GATA4: variants seen among roughly 807,000 people sequenced by gnomAD.
GATA4 encodes transcription factor GATA-4.
Under a neutral mutation model 37.9 loss-of-function variants are expected in GATA4, and 7 were observed. The ratio of observed to expected loss-of-function variants is 0.18; its 90% CI spans 0.11 to 0.35. The LOEUF is 0.35. GATA4 is among the 10% of genes least tolerant of loss of function. GATA4 has a pLI of 1.00. For missense variants in GATA4, 647 were observed against 653.0 expected (o/e 0.99, Z 0.10); for synonymous variants, 372 against 292.6 (o/e 1.27, Z -2.77).
At chr8:11,682,058 A>T (rs1418037074) in intron 1 of GATA4, among the ~76,000 whole-genome samples, 1 of 152,236 alleles carries the variant, frequency 6.6e-6, no homozygotes, top group Non-Finnish European at 1.5e-5. Context: ...ATTTCTGGAT[A>T]TTAAACTGCA....
At chr8:11,732,882 C>T (rs971114388) in intron 2 of GATA4, among the ~76,000 whole-genome samples, 1 of 152,172 alleles carries the variant, frequency 6.6e-6, no homozygotes, top group Admixed American at 6.5e-5. Flanking sequence ...TAAATCCAGA[C>T]CACATGGAGG....
At chr8:11,716,201 A>C (rs1445175673) in intron 2 of GATA4, among the ~76,000 whole-genome samples, 1 of 152,176 alleles carries the variant, frequency 6.6e-6, no homozygotes, top group East Asian at 1.9e-4. Flanking sequence ...AAACCTTTTG[A>C]ATTTGGAGAA....
At chr8:11,680,712 G>T (rs754497591) in intron 1 of GATA4, 1 of 985,158 alleles carries the variant, frequency 1.0e-6, no homozygotes, top group Non-Finnish European at 1.2e-6. Flanking sequence ...TCCTCCAGCC[G>T]CTGCGCACGG....
upstream of GATA4, chr8:11,691,984 C>T (rs1799328429): frequency 1.0e-6 from 1 of 984,210 alleles, no homozygotes; most frequent in Admixed American, 6.1e-5. Flanking sequence ...TGACTTTCTC[C>T]TTTAATTCTC....
chr8:11,687,009 A>G (rs995632634), intron 1 of GATA4, among the ~76,000 whole-genome samples: 1 of 152,094 alleles, frequency 6.6e-6, no homozygotes, highest in African/African-American at 2.4e-5. Flanking sequence ...AAAAAAAAAA[A>G]AAAATCCTCA....
intron 2 of GATA4, among the ~76,000 whole-genome samples, chr8:11,725,043 C>T (rs1056445786): frequency 3.3e-5 from 5 of 152,320 alleles, no homozygotes; most frequent in South Asian, 2.1e-4. Flanking sequence ...GTGGCCTTCA[C>T]GTTTGCTTCA....
chr8:11,691,803 T>A (rs1225842284), upstream of GATA4, among the ~76,000 whole-genome samples: 2 of 152,098 alleles, frequency 1.3e-5, no homozygotes, highest in Non-Finnish European at 2.9e-5. Context: ...TCCCTCCTCT[T>A]TCTATGGCGC....
intron 2 of GATA4, among the ~76,000 whole-genome samples, chr8:11,739,541 T>C (rs962119696): frequency 6.6e-6 from 1 of 150,900 alleles, no homozygotes; most frequent in South Asian, 2.2e-4. Flanking sequence ...ACACGGAAAC[T>C]TCTGGCCCTG....
Position 11,749,167 on chromosome 8 carries a change from T to G in GATA4, c.786+82T>G. ...GTGGGACATCCTCTGGTTTTGAATT[T>G]TGGAACTTGAGGGTGTGCATCGGGG... is the stretch of plus-strand genomic sequence containing the variant. On this transcript the variant is annotated intron_variant, in intron 3 of 6. Coordinates refer to ENST00000532059, the MANE Select transcript of GATA4 (RefSeq NM_001308093.3). The surrounding 1 kb of genome is among the most constrained non-coding windows in gnomAD (Gnocchi z 4.6). The G allele has an allele frequency of 6.9e-7, 1 of 1,456,764 alleles. No homozygotes were observed. The highest frequency in any genetic ancestry group is 1.2e-5 in the South Asian group (1 of 84,852). The allele number at this position is 1,456,764 out of a possible 1,614,324, so 90.2% of individuals were successfully genotyped here. A position where few individuals can be genotyped will look rare whatever the true frequency, so the allele number is the denominator to read the frequency against.
At chr8:11,741,393 C>T (rs1019984877) in intron 2 of GATA4, among the ~76,000 whole-genome samples, 2 of 152,064 alleles carry the variant, frequency 1.3e-5, no homozygotes, top group Non-Finnish European at 2.9e-5. Context: ...GCAGGAGGAT[C>T]GCCTGGGGCC....
intron 1 of GATA4, among the ~76,000 whole-genome samples, chr8:11,685,902 G>A (rs184229090): frequency 6.6e-6 from 1 of 152,314 alleles, no homozygotes; most frequent in East Asian, 1.9e-4. Context: ...GACTTGGTGG[G>A]GAGGAAAGTC....
rs762507555 is a variant in GATA4, at chr8:11,750,134, C to G, written c.810C>G (p.Leu270=). ...RRLSASRRVG[L]SCANCQTTTT... ...AGTCCGCCTCCCGCCGAGTGGGCCT[C>G]TCCTGTGCCAACTGCCAGACCACCA... The change falls in exon 4 of 7, where the codon CTC becomes CTG. Residue 270 remains leucine, a synonymous_variant. Coordinates refer to ENST00000532059, the MANE Select transcript of GATA4 (RefSeq NM_001308093.3). 2 of 1,614,124 alleles carry G rather than the reference C, an allele frequency of 1.2e-6. No homozygotes were observed. Among genetic ancestry groups the G allele is most frequent in the East Asian group, 4.5e-5 (2 of 44,890 alleles).
chr8:11,679,043 G>C (rs527276539), intron 1 of GATA4, among the ~76,000 whole-genome samples: 2 of 152,148 alleles, frequency 1.3e-5, no homozygotes, highest in African/African-American at 4.8e-5. Flanking sequence ...TATAGTTTGC[G>C]TGTGTAAAGT....
At chr8:11,696,142 T>C (rs911243011) in intron 1 of GATA4, among the ~76,000 whole-genome samples, 5 of 152,150 alleles carry the variant, frequency 3.3e-5, no homozygotes, top group African/African-American at 1.2e-4. Flanking sequence ...GTGCAACTTA[T>C]ATACAGTAAA....
chr8:11,684,421 T>C (rs1187552703), intron 1 of GATA4, among the ~76,000 whole-genome samples: 1 of 152,216 alleles, frequency 6.6e-6, no homozygotes, highest in Non-Finnish European at 1.5e-5. Context: ...TTTTCAAAGA[T>C]AAAATTTCTC....
At chr8:11,694,849 C>T (rs1176438717) in intron 1 of GATA4, among the ~76,000 whole-genome samples, 1 of 152,150 alleles carries the variant, frequency 6.6e-6, no homozygotes, top group Non-Finnish European at 1.5e-5. Flanking sequence ...TCCTCTCTCT[C>T]TCTCTGTCTC....
At chr8:11,719,506 A>G (rs1369806324) in intron 2 of GATA4, among the ~76,000 whole-genome samples, 2 of 152,236 alleles carry the variant, frequency 1.3e-5, no homozygotes, top group Non-Finnish European at 2.9e-5. Flanking sequence ...TTCAAGTAGT[A>G]TAAGGGAAAC....
intron 1 of GATA4, among the ~76,000 whole-genome samples, chr8:11,678,872 TA>T (rs140505971): frequency 0.024 from 3,705 of 152,314 alleles, 56 homozygotes; most frequent in Middle Eastern, 0.061. Flanking sequence ...CAAGTTCGAT[TA>T]GGGGGGAGCC....
At chr8:11,725,866 G>T (rs1309377905) in intron 2 of GATA4, among the ~76,000 whole-genome samples, 3 of 152,194 alleles carry the variant, frequency 2.0e-5, no homozygotes. Context: ...GGCCCGGGGG[G>T]TGGGGTGGCT....
Sources: allele counts gnomAD v4.1 joint callset (sites outside exome capture counted in the v4.1 genomes callset), GRCh38; gene constraint gnomAD v4.1.1; non-coding constraint Gnocchi (gnomAD v3.1); transcripts MANE v1.5; gene names NCBI Gene and HGNC (gene_info 2026-07-23, HGNC 2026-07-21).